The following ELMO1 variants were observed in gnomAD, a reference collection of about 807,000 sequenced individuals.
ELMO1 encodes engulfment and cell motility protein 1.
ELMO1 carries 26 observed loss-of-function variants against 98.9 expected under a neutral mutation model. That is an observed-to-expected ratio of 0.26 (90% CI 0.19 to 0.36). The LOEUF is 0.36. Ranked by LOEUF, ELMO1 falls within the 10% of genes least tolerant of loss-of-function variation. The pLI is 1.00. For missense variants in ELMO1, 627 were observed against 935.2 expected, an observed-to-expected ratio of 0.67 and a Z score of 4.30; for synonymous variants, 346 against 346.0, an observed-to-expected ratio of 1.00 and a Z score of 0.00.
chr7:37,305,445 A>AGTGTGTGTAT (rs1554292696), intron 4 of ELMO1, among the ~76,000 whole-genome samples: 7 of 122,912 alleles, frequency 5.7e-5, no homozygotes, highest in African/African-American at 1.4e-4. Context: ...CAGTACAGAT[A>AGTGTGTGTAT]GTGTGTGTGT....
chr7:37,417,992 G>T (rs1473312434), intron 1 of ELMO1, among the ~76,000 whole-genome samples: 2 of 152,160 alleles, frequency 1.3e-5, no homozygotes, highest in African/African-American at 4.8e-5. Context: ...CCCTCCCCTG[G>T]AACCTTCAGG....
chr7:37,335,791 A>G (rs1800370503), intron 2 of ELMO1, among the ~76,000 whole-genome samples: 1 of 152,158 alleles, frequency 6.6e-6, no homozygotes, highest in South Asian at 2.1e-4. Context: ...ATCTTCTCCA[A>G]GCATTTGTCT....
chr7:36,897,395 C>A (rs1299592270), intron 16 of ELMO1, among the ~76,000 whole-genome samples: 4 of 143,014 alleles, frequency 2.8e-5, no homozygotes, highest in African/African-American at 1.1e-4. Flanking sequence ...AAAGGTGACT[C>A]AAGCCCTGCA....
At chr7:37,025,527 G>A (rs983833996) in intron 15 of ELMO1, among the ~76,000 whole-genome samples, 1 of 152,136 alleles carries the variant, frequency 6.6e-6, no homozygotes, top group African/African-American at 2.4e-5. Context: ...TGTGGGTAAC[G>A]CCCAACCCTT....
chr7:37,059,484 A>G (rs1796557584), intron 15 of ELMO1, among the ~76,000 whole-genome samples: 1 of 152,254 alleles, frequency 6.6e-6, no homozygotes, highest in Middle Eastern at 3.4e-3. Context: ...TTCCTCTTTC[A>G]TTGTGTGACA....
chr7:37,436,050 A>G (rs1455152687), intron 1 of ELMO1, among the ~76,000 whole-genome samples: 2 of 152,206 alleles, frequency 1.3e-5, no homozygotes, highest in Admixed American at 1.3e-4. Context: ...AGTCTATGTG[A>G]AGTTGGGCAG....
chr7:36,962,469 GACCCTGGGTCACTACAGAAAAAT>G (rs1036253978), intron 16 of ELMO1, among the ~76,000 whole-genome samples: 1 of 152,184 alleles, frequency 6.6e-6, no homozygotes, highest in African/African-American at 2.4e-5. Context: ...TTCCTGTAGT[GACCCTGGGTCACTACAGAAAAAT>G]ACCAGGGAAA....
chr7:37,277,574 C>G (rs948565956), intron 4 of ELMO1, among the ~76,000 whole-genome samples: 3 of 152,186 alleles, frequency 2.0e-5, no homozygotes, highest in African/African-American at 7.2e-5. Context: ...CACTCCAGCT[C>G]TGATTTGCTG....
At chr7:37,154,570 T>A (rs1788596747) in intron 13 of ELMO1, among the ~76,000 whole-genome samples, 1 of 152,084 alleles carries the variant, frequency 6.6e-6, no homozygotes, top group Non-Finnish European at 1.5e-5. Context: ...ATATCAGTGA[T>A]TGAAGATCAA....
At chr7:36,894,054 T>C (rs1223183157) in intron 17 of ELMO1, among the ~76,000 whole-genome samples, 1 of 152,118 alleles carries the variant, frequency 6.6e-6, no homozygotes, top group African/African-American at 2.4e-5. Flanking sequence ...AAAATGAGAA[T>C]AAATATCAAA....
rs776647043 is a variant in ELMO1 at position 37,233,143 on chromosome 7, G to A, written c.501C>T (p.Asp167=). The A allele has an allele frequency of 1.9e-6, 3 of 1,613,706 alleles. No individual in the cohort carries two copies. Among genetic ancestry groups the A allele is most frequent in the Non-Finnish European group, 1.7e-6 (2 of 1,179,840 alleles). Residue 167 remains aspartate, a synonymous_variant, in exon 8 of 22, where the codon GAC becomes GAT. Transcript: ENST00000310758. ...ATGTATCCCAGGACACTATGCCATGGTCCATCAGCTCAACGAAGGCCGTCA... is the reference window on the plus strand; with the variant it reads ...ATGTATCCCAGGACACTATGCCATGATCCATCAGCTCAACGAAGGCCGTCA... ...FTLTAFVELM[D]HGIVSWDTFS...
At chr7:37,416,279 A>C (rs1804209379) in intron 1 of ELMO1, among the ~76,000 whole-genome samples, 1 of 152,218 alleles carries the variant, frequency 6.6e-6, no homozygotes, top group Admixed American at 6.5e-5. Context: ...AGAAAATAGC[A>C]ATTTGACTTG....
intron 1 of ELMO1, among the ~76,000 whole-genome samples, chr7:37,437,024 C>T (rs886825309): frequency 6.6e-6 from 1 of 152,190 alleles, no homozygotes; most frequent in Non-Finnish European, 1.5e-5. Flanking sequence ...CAACAGTCCC[C>T]TACTTGGTGG....
intron 14 of ELMO1, among the ~76,000 whole-genome samples, chr7:37,126,002 A>G (rs1786482450): frequency 6.6e-6 from 1 of 152,184 alleles, no homozygotes. Context: ...TTGTAAGGAC[A>G]TGGATGAAGC....
At chr7:37,114,407 AAGT>A in intron 14 of ELMO1, among the ~76,000 whole-genome samples, 1 of 152,324 alleles carries the variant, frequency 6.6e-6, no homozygotes, top group Non-Finnish European at 1.5e-5. Context: ...ATAGGATTGA[AAGT>A]AGAGTAAATA....
chr7:37,337,523 TAA>T (rs57584545), intron 2 of ELMO1, among the ~76,000 whole-genome samples: 7,322 of 132,554 alleles, frequency 0.055, 244 homozygotes, highest in Middle Eastern at 0.1. Context: ...ACTTAAAGTA[TAA>T]AAAAAAAAAA....
chr7:36,950,119 TAAACAGACACAGA>T lies in ELMO1; in HGVS notation c.1438-55115_1438-55103del, dbSNP rs879308946. On this transcript the variant is annotated intron_variant, in intron 16 of 21. Coordinates refer to ENST00000310758, the MANE Select transcript of ELMO1 (RefSeq NM_014800.11). ...AGAAGATACAGCTCCCTGTATATCC[TAAACAGACACAGA>T]AAACAAGAAACAATGTACTATGCAA... 8.7e-4 allele frequency among the ~76,000 whole-genome samples: 124 copies of T among 141,970 alleles called. 1 individual carries two copies. Among genetic ancestry groups the T allele is most frequent in the Admixed American group, 8.2e-3 (116 of 14,156 alleles). The allele number at this position is 141,970 out of a possible 152,430, so 93.1% of individuals were successfully genotyped here.
intron 13 of ELMO1, among the ~76,000 whole-genome samples, chr7:37,169,473 G>A (rs145925605): frequency 0.025 from 3,818 of 152,138 alleles, 81 homozygotes; most frequent in African/African-American, 0.067. Flanking sequence ...GTTCCTATTC[G>A]GCCATCTTGG....
intron 1 of ELMO1, among the ~76,000 whole-genome samples, chr7:37,402,104 C>G (rs1057382555): frequency 1.3e-5 from 2 of 152,170 alleles, no homozygotes; most frequent in Non-Finnish European, 2.9e-5. Context: ...ACATGTGTAT[C>G]CTTTTCTATT....
Sources: gnomAD v4.1 joint callset for allele counts (sites outside exome capture counted in the v4.1 genomes callset) on GRCh38, gnomAD v4.1.1 for gene constraint, MANE v1.5 for transcripts, NCBI Gene and HGNC (gene_info 2026-07-23, HGNC 2026-07-21) for gene names.